Variants in NT5C2 observed in about 807,000 individuals in gnomAD.
NT5C2 encodes 5'-nucleotidase, cytosolic II.
Under a neutral mutation model 76.1 loss-of-function variants are expected in NT5C2, and 58 were observed. That is an observed-to-expected ratio of 0.76 (90% CI 0.62 to 0.95). The LOEUF (loss-of-function observed/expected upper bound fraction) is 0.95, where lower values mean the gene tolerates loss of function less well. NT5C2 is among the 40% of genes least tolerant of loss of function. The probability of loss-of-function intolerance (pLI) is 0.00; values close to 1 mark genes in which losing one functional copy is unlikely to be tolerated. For missense variants in NT5C2, 478 were observed against 690.3 expected (o/e 0.69, Z 3.45); for synonymous variants, 229 against 237.4 (o/e 0.96, Z 0.32).
intron 7 of NT5C2, 21 bp from the exon 8 acceptor site, chr10:103,101,123 A>G: frequency 6.4e-7 from 1 of 1,561,700 alleles, no homozygotes; most frequent in Non-Finnish European, 8.8e-7. Context: ...AAGAACAGAT[A>G]TTCATAAGCT....
intron 12 of NT5C2, 26 bp from the exon 13 acceptor site, chr10:103,094,481 T>C: frequency 8.1e-7 from 1 of 1,231,086 alleles, no homozygotes; most frequent in Middle Eastern, 1.9e-4. Flanking sequence ...CAGCAAAAGT[T>C]GAAACATCAC....
intron 3 of NT5C2, chr10:103,153,542 T>A (rs1156254443): frequency 2.0e-6 from 2 of 985,152 alleles, no homozygotes; most frequent in Non-Finnish European, 2.4e-6. Flanking sequence ...CTAGGAAAAA[T>A]AACTAATGGC....
At chr10:103,117,473 C>G (rs1161129404) in intron 4 of NT5C2, among the ~76,000 whole-genome samples, 1 of 152,112 alleles carries the variant, frequency 6.6e-6, no homozygotes, top group Non-Finnish European at 1.5e-5. Context: ...ACAGCAAGGC[C>G]CCCTCTCTAC....
chr10:103,183,101 C>T (rs1476980943), intron 1 of NT5C2, among the ~76,000 whole-genome samples: 1 of 151,858 alleles, frequency 6.6e-6, no homozygotes, highest in Non-Finnish European at 1.5e-5. Context: ...TCTACCAGTA[C>T]TGCTGAAAAA....
intron 1 of NT5C2, among the ~76,000 whole-genome samples, chr10:103,187,979 C>A (rs891361371): frequency 1.3e-5 from 2 of 152,130 alleles, no homozygotes; most frequent in African/African-American, 4.8e-5. Context: ...CATGTCCTGT[C>A]CTTATGAATT....
chr10:103,106,456 C>T (rs777234186), intron 5 of NT5C2, 133 bp downstream of exon 5: 11 of 658,110 alleles, frequency 1.7e-5, no homozygotes, highest in Non-Finnish European at 2.4e-5. Flanking sequence ...ATCAACCAAC[C>T]AAAAAAACAA....
intron 4 of NT5C2, among the ~76,000 whole-genome samples, chr10:103,108,748 C>G (rs1357439247): frequency 6.6e-6 from 1 of 152,084 alleles, no homozygotes; most frequent in Non-Finnish European, 1.5e-5. Context: ...TCTTTTGAGT[C>G]TCATCAGAAC....
intron 3 of NT5C2, among the ~76,000 whole-genome samples, chr10:103,149,152 T>C (rs2082003741): frequency 6.6e-6 from 1 of 152,148 alleles, no homozygotes. Context: ...TTTCCCCAGG[T>C]GACCGAAAGA....
chr10:103,141,088 A>C (rs142961852), intron 3 of NT5C2, among the ~76,000 whole-genome samples: 1 of 152,206 alleles, frequency 6.6e-6, no homozygotes, highest in Non-Finnish European at 1.5e-5. Context: ...CACTGCCGAG[A>C]CCAAGGTCAA....
rs1233288742 is a variant in NT5C2, at chr10:103,088,721, T to A, written c.*951A>T. 2 of 178,366 alleles carry A rather than the reference T, an allele frequency of 1.1e-5. No homozygotes were observed. The highest frequency in any genetic ancestry group is 2.4e-5 in the Non-Finnish European group (2 of 83,118). 11.0% of individuals were successfully genotyped at this position (178,366 alleles called of 1,614,324 possible). Reference sequence around the variant, plus strand: ...GATTCTGAAGTGAATTTATTCACACTGATTGTGCCCTCTACTTTAGTAAGG... The same window carrying A: ...GATTCTGAAGTGAATTTATTCACACAGATTGTGCCCTCTACTTTAGTAAGG... On this transcript the variant is annotated 3_prime_UTR_variant, in exon 19 of 19. Transcript: ENST00000404739.
intron 4 of NT5C2, among the ~76,000 whole-genome samples, chr10:103,127,707 C>T (rs1565089502): frequency 6.6e-6 from 1 of 152,166 alleles, no homozygotes; most frequent in Admixed American, 6.5e-5. Context: ...TAGCAAAATC[C>T]GTATCATTAA....
At chr10:103,188,287 G>A (rs2092288263) in intron 1 of NT5C2, among the ~76,000 whole-genome samples, 1 of 152,148 alleles carries the variant, frequency 6.6e-6, no homozygotes, top group Non-Finnish European at 1.5e-5. Flanking sequence ...GAACCCAGGA[G>A]GTGGAAGTTG....
At chr10:103,169,605 C>A (rs959129859) in intron 3 of NT5C2, among the ~76,000 whole-genome samples, 1 of 148,206 alleles carries the variant, frequency 6.7e-6, no homozygotes, top group Non-Finnish European at 1.5e-5. Context: ...GGTGACAGAG[C>A]AAGACCCTGT....
intron 3 of NT5C2, among the ~76,000 whole-genome samples, chr10:103,143,196 A>G (rs1341989507): frequency 3.3e-5 from 5 of 152,086 alleles, no homozygotes; most frequent in African/African-American, 1.2e-4. Context: ...GATATAGATC[A>G]GTGGATCTCA....
At chr10:103,105,684 G>C in intron 6 of NT5C2, 22 bp downstream of exon 6, 1 of 1,472,880 alleles carries the variant, frequency 6.8e-7, no homozygotes, top group Non-Finnish European at 9.5e-7. Flanking sequence ...TTAGAAAGAG[G>C]CTAAAGGTTC....
At chr10:103,148,000 T>TA (rs981875481) in intron 3 of NT5C2, among the ~76,000 whole-genome samples, 10 of 151,942 alleles carry the variant, frequency 6.6e-5, no homozygotes, top group African/African-American at 2.4e-4. Flanking sequence ...AAGCTGTTAT[T>TA]AAAAAAAAGT....
In NT5C2 at chr10:103,163,144, A is replaced by C. The variant is rs2085354844; in HGVS notation, c.101+11714T>G. Among the ~76,000 whole-genome samples the C allele has an allele frequency of 4.6e-5, 7 of 152,342 alleles. No homozygotes were observed. In the South Asian group the frequency reaches 1.4e-3, roughly 32 times the overall value. ...TAGTTCATTATTTTACCTGAGTTAT[A>C]ATCTATTCTATAAATATACCACATA... On this transcript the variant is annotated intron_variant, in intron 3 of 18. Transcript: ENST00000404739.
At chr10:103,099,080 C>T in intron 9 of NT5C2, 96 bp from the exon 10 acceptor site, 2 of 973,498 alleles carry the variant, frequency 2.1e-6, no homozygotes, top group Admixed American at 2.3e-5. Flanking sequence ...CAACCCAAAT[C>T]CTTTCTTTTT....
At chr10:103,118,096 A>T (rs2074798665) in intron 4 of NT5C2, among the ~76,000 whole-genome samples, 1 of 152,210 alleles carries the variant, frequency 6.6e-6, no homozygotes, top group Non-Finnish European at 1.5e-5. Flanking sequence ...TATTTTAAAA[A>T]ATTAGTCTTT....
Sources: allele counts gnomAD v4.1 joint callset (sites outside exome capture counted in the v4.1 genomes callset), GRCh38; gene constraint gnomAD v4.1.1; transcripts MANE v1.5; gene names NCBI Gene and HGNC (gene_info 2026-07-23, HGNC 2026-07-21).